Variants in DNAJC10 observed in about 807,000 individuals in gnomAD.
DNAJC10 encodes the protein DnaJ heat shock protein family (Hsp40) member C10, also known as endoplasmic reticulum disulfide reductase DNAJC10.
In DNAJC10, 101 loss-of-function variants were observed where a neutral mutation model predicts 115.0. The observed-to-expected ratio is 0.88, with a 90% CI of 0.75 to 1.04. The LOEUF is 1.04. DNAJC10 is among the 50% of genes least tolerant of loss of function. The pLI is 0.00. For synonymous variants in DNAJC10, 307 were observed against 301.5 expected, an observed-to-expected ratio of 1.02 and a Z score of -0.19; for missense variants, 981 against 928.8, an observed-to-expected ratio of 1.06 and a Z score of -0.73.
At position 182,789,536 on chromosome 2, in the gene DNAJC10, T is replaced by C. The variant is rs1191137855; in HGVS notation, c.*12404T>C. ...GCACCCAGCCAATTTTCTTCCTTTT[T>C]AAGGCTGAATAATATTCAATTATAT... is the stretch of plus-strand genomic sequence containing the variant. On this transcript the variant is annotated 3_prime_UTR_variant, in exon 24 of 24. Transcript: ENST00000264065. 1 of 152,228 alleles carries C rather than the reference T, an allele frequency of 6.6e-6. No individual in the cohort carries two copies. Among genetic ancestry groups the C allele is most frequent in the Non-Finnish European group, 1.5e-5 (1 of 68,036 alleles). 9.4% of individuals were successfully genotyped at this position (152,228 alleles called of 1,614,324 possible). A position where few individuals can be genotyped will look rare whatever the true frequency, so the allele number is the denominator to read the frequency against.
In DNAJC10 at chr2:182,784,495, A is replaced by T. The variant is rs970783994; in HGVS notation, c.*7363A>T. 8 of 152,180 alleles carry T rather than the reference A, an allele frequency of 5.3e-5. No individual in the cohort carries two copies. Among genetic ancestry groups the T allele is most frequent in the African/African-American group, 1.7e-4 (7 of 41,446 alleles). 9.4% of individuals were successfully genotyped at this position (152,180 alleles called of 1,614,324 possible). Reference sequence around the variant, plus strand: ...TAGCACATTGTTGACCCGTAGAAGCACAGTGTGTATTTCAATTGACAAACA... The same window carrying T: ...TAGCACATTGTTGACCCGTAGAAGCTCAGTGTGTATTTCAATTGACAAACA... On this transcript the variant is annotated 3_prime_UTR_variant, in exon 24 of 24. Transcript: ENST00000264065.
chr2:182,735,668 A>G (rs917193942), intron 10 of DNAJC10, among the ~76,000 whole-genome samples: 1 of 151,994 alleles, frequency 6.6e-6, no homozygotes, highest in Non-Finnish European at 1.5e-5. Flanking sequence ...TTAGAACTCT[A>G]TTTGTTTACT....
rs775300641 is a variant in DNAJC10 at position 182,762,768 on chromosome 2, A to G, written c.2232A>G (p.Pro744=). The G allele has an allele frequency of 6.2e-7, 1 of 1,612,600 alleles. No individual in the cohort carries two copies. Among genetic ancestry groups the G allele is most frequent in the Non-Finnish European group, 8.5e-7 (1 of 1,178,910 alleles). Residue 744 remains proline (P), a synonymous_variant, in exon 22 of 24, where the codon CCA becomes CCG. Transcript: ENST00000264065. ...AGAAAGCTGGGATCAGGGCCTATCCAACTGTTAAATTTTATTTCTACGAAA... is the reference window on the plus strand; with the variant it reads ...AGAAAGCTGGGATCAGGGCCTATCCGACTGTTAAATTTTATTTCTACGAAA... ...TCQKAGIRAY[P]TVKFYFYERA...
chr2:182,730,941 T>G (rs1693428056), intron 8 of DNAJC10, 89 bp from the exon 9 acceptor site: 2 of 841,608 alleles, frequency 2.4e-6, no homozygotes, highest in Admixed American at 5.2e-5. Flanking sequence ...GAGGGTGAGA[T>G]TAGAAAGGAA....
At chr2:182,770,398 C>T (rs539847716) in intron 22 of DNAJC10, among the ~76,000 whole-genome samples, 9 of 152,086 alleles carry the variant, frequency 5.9e-5, no homozygotes, top group African/African-American at 1.9e-4. Context: ...CTATAAATTA[C>T]TTTGGGCAGT....
At chr2:182,728,440 A>T in intron 5 of DNAJC10, 136 bp from the exon 6 acceptor site, 1 of 563,604 alleles carries the variant, frequency 1.8e-6, no homozygotes, top group Non-Finnish European at 3.0e-6. Context: ...GAAAAACATC[A>T]CACAGAAAAT....
intron 11 of DNAJC10, among the ~76,000 whole-genome samples, chr2:182,736,984 A>C (rs1403793217): frequency 6.6e-6 from 1 of 152,224 alleles, no homozygotes; most frequent in East Asian, 1.9e-4. Context: ...TCCTGACCTC[A>C]GATGATCCGC....
chr2:182,759,994 G>A (rs762949713), intron 21 of DNAJC10, among the ~76,000 whole-genome samples: 88 of 152,068 alleles, frequency 5.8e-4, no homozygotes, highest in Non-Finnish European at 9.9e-4. Context: ...TGTCAGTGCT[G>A]CCCTGGTGAT....
rs750671995 is a variant in DNAJC10 at position 182,756,408 on chromosome 2, T to G, written c.1748T>G (p.Phe583Cys). 6.2e-7 allele frequency: 1 copy of G among 1,614,096 alleles called. No homozygotes were observed. The highest frequency in any genetic ancestry group is 8.5e-7 in the Non-Finnish European group (1 of 1,179,948). The stretch of plus-strand genomic sequence containing the variant: ...CACAACGAAGTCTGGATGGTTGATT[T>G]CTATTCTCCGTGGTGTCATCCTTGC... ...RKHNEVWMVD[F>C]YSPWCHPCQV... Residue 583 changes from phenylalanine to cysteine, a missense_variant, in exon 18 of 24, where the codon TTC becomes TGC. Phe to Cys is a radical substitution (Grantham distance 205). Coordinates refer to ENST00000264065, the MANE Select transcript of DNAJC10 (RefSeq NM_018981.4).
intron 9 of DNAJC10, among the ~76,000 whole-genome samples, chr2:182,731,411 A>G (rs1247119820): frequency 6.6e-6 from 1 of 152,116 alleles, no homozygotes. Flanking sequence ...AAAAATAACT[A>G]GTTGTTTACA....
At chr2:182,736,997 A>G (rs1693601674) in intron 11 of DNAJC10, among the ~76,000 whole-genome samples, 1 of 152,146 alleles carries the variant, frequency 6.6e-6, no homozygotes, top group South Asian at 2.1e-4. Flanking sequence ...TGATCCGCCC[A>G]TCTCGGCCTC....
chr2:182,722,844 G>A (rs970007111), intron 5 of DNAJC10, among the ~76,000 whole-genome samples: 12 of 152,068 alleles, frequency 7.9e-5, no homozygotes, highest in East Asian at 5.8e-4. Flanking sequence ...GGAGGCTGAC[G>A]CACAAGAATC....
At chr2:182,752,661 A>G (rs1318867455) in intron 16 of DNAJC10, 1 of 618,898 alleles carries the variant, frequency 1.6e-6, no homozygotes, top group African/African-American at 2.0e-5. Context: ...AGAACTAAAA[A>G]TTATATACCG....
chr2:182,750,691 G>A (rs1693993308), intron 14 of DNAJC10, among the ~76,000 whole-genome samples: 1 of 152,120 alleles, frequency 6.6e-6, no homozygotes, highest in Admixed American at 6.6e-5. Context: ...TGTACAATGT[G>A]TTACAATGTA....
intron 5 of DNAJC10, among the ~76,000 whole-genome samples, chr2:182,726,902 TA>T (rs10714459): frequency 0.15 from 23,367 of 151,940 alleles, 4,400 homozygotes; most frequent in African/African-American, 0.45. Flanking sequence ...CAGCTATTTT[TA>T]TAGAGACAGG....
At position 182,784,994 on chromosome 2, in the gene DNAJC10, A is replaced by G. The variant is rs1694920576; in HGVS notation, c.*7862A>G. 1 of 152,234 alleles carries G rather than the reference A, an allele frequency of 6.6e-6. No individual in the cohort carries two copies. Among genetic ancestry groups the G allele is most frequent in the African/African-American group, 2.4e-5 (1 of 41,466 alleles). The allele number at this position is 152,234 out of a possible 1,614,324, so 9.4% of individuals were successfully genotyped here. A position where few individuals can be genotyped will look rare whatever the true frequency, so the allele number is the denominator to read the frequency against. On this transcript the variant is annotated 3_prime_UTR_variant, in exon 24 of 24. Coordinates refer to ENST00000264065, the MANE Select transcript of DNAJC10 (RefSeq NM_018981.4). ...CTAGCTGGCCTTTGTGTTTTCACTA[A>G]AAATATCCTGAATTATCAGTCAGTT...
chr2:182,734,804 G>A (rs1445736403), intron 10 of DNAJC10, among the ~76,000 whole-genome samples: 1 of 151,720 alleles, frequency 6.6e-6, no homozygotes, highest in African/African-American at 2.4e-5. Context: ...CTAACCTGAT[G>A]AAATAACCCT....
At chr2:182,761,007 A>T (rs906310516) in intron 21 of DNAJC10, among the ~76,000 whole-genome samples, 8 of 152,164 alleles carry the variant, frequency 5.3e-5, no homozygotes, top group Non-Finnish European at 1.0e-4. Flanking sequence ...ATTAAACATG[A>T]AAAAGACCAT....
In DNAJC10 at chr2:182,716,997, A is replaced by T. The variant is rs1206914450; in HGVS notation, c.-203-19A>T. On this transcript the variant is annotated intron_variant, in intron 1 of 23. Coordinates refer to ENST00000264065, the MANE Select transcript of DNAJC10 (RefSeq NM_018981.4). ...TGTTTGGATACTTGTTAATCTCTAC[A>T]TCATTATATTTTTCAAAGGTATATT... 6.6e-6 allele frequency: 1 copy of T among 152,238 alleles called. No homozygotes were observed. The highest frequency in any genetic ancestry group is 1.5e-5 in the Non-Finnish European group (1 of 68,040). The allele number at this position is 152,238 out of a possible 1,614,324, so 9.4% of individuals were successfully genotyped here.
Sources: allele counts gnomAD v4.1 joint callset (sites outside exome capture counted in the v4.1 genomes callset), GRCh38; gene constraint gnomAD v4.1.1; transcripts MANE v1.5; gene names NCBI Gene and HGNC (gene_info 2026-07-23, HGNC 2026-07-21).